Variants in UTRN observed in about 807,000 individuals in gnomAD.
UTRN encodes utrophin.
A neutral mutation model predicts 463.9 loss-of-function variants in UTRN; 283 were observed. That is an observed-to-expected ratio of 0.61 (90% CI 0.55 to 0.67). UTRN has a LOEUF of 0.67. Among genes scored for constraint, UTRN ranks in the 30% least tolerant of loss-of-function variants. The pLI is 0.00. For synonymous variants in UTRN, 1,442 were observed against 1,431.5 expected, an observed-to-expected ratio of 1.01 and a Z score of -0.17; for missense variants, 3,922 against 4,084.3, an observed-to-expected ratio of 0.96 and a Z score of 1.08.
intron 2 of UTRN, among the ~76,000 whole-genome samples, chr6:144,388,175 T>G (rs756507808): frequency 5.3e-5 from 8 of 152,264 alleles, no homozygotes; most frequent in Non-Finnish European, 1.0e-4. Context: ...CTTGGCTTTC[T>G]GTCATACGTA....
chr6:144,449,074 T>C (rs1439045861), intron 17 of UTRN, among the ~76,000 whole-genome samples: 1 of 152,158 alleles, frequency 6.6e-6, no homozygotes, highest in Non-Finnish European at 1.5e-5. Flanking sequence ...TGATTGTCCA[T>C]GACTGTCTTT....
At chr6:144,550,840 C>A in intron 47 of UTRN, 125 bp from the exon 48 acceptor site, 1 of 662,676 alleles carries the variant, frequency 1.5e-6, no homozygotes, top group Non-Finnish European at 2.3e-6. Flanking sequence ...TGCCACGTTG[C>A]TGATGCTTCA....
At chr6:144,545,322 C>T (rs776251573) in intron 46 of UTRN, among the ~76,000 whole-genome samples, 9 of 152,280 alleles carry the variant, frequency 5.9e-5, no homozygotes, top group South Asian at 2.1e-4. Context: ...TTGATTGTGT[C>T]GTTTCTTTGT....
At chr6:144,307,976 C>A (rs953904485) in intron 2 of UTRN, among the ~76,000 whole-genome samples, 2 of 152,008 alleles carry the variant, frequency 1.3e-5, no homozygotes, top group Admixed American at 1.3e-4. Context: ...TTCTCCCAGC[C>A]CTCTCCTACT....
chr6:144,534,086 T>C (rs924542555), intron 43 of UTRN, among the ~76,000 whole-genome samples: 5 of 152,226 alleles, frequency 3.3e-5, no homozygotes, highest in Non-Finnish European at 7.3e-5. Flanking sequence ...TCTAATACTT[T>C]ATCAGGTCCA....
intron 2 of UTRN, among the ~76,000 whole-genome samples, chr6:144,371,844 G>A (rs560572893): frequency 1.8e-4 from 28 of 152,310 alleles, no homozygotes; most frequent in Admixed American, 5.9e-4. Flanking sequence ...TAGGGCTGGG[G>A]AGGCATACAT....
chr6:144,349,090 G>A (rs1284984935), intron 2 of UTRN, among the ~76,000 whole-genome samples: 2 of 151,960 alleles, frequency 1.3e-5, no homozygotes, highest in African/African-American at 4.8e-5. Flanking sequence ...CTCACTGCAA[G>A]CTCCTCCTCC....
intron 28 of UTRN, among the ~76,000 whole-genome samples, chr6:144,487,228 G>C (rs1169508970): frequency 2.6e-5 from 4 of 152,020 alleles, no homozygotes; most frequent in African/African-American, 4.8e-5. Flanking sequence ...GAGTCCAGTG[G>C]TATGACAGCT....
At chr6:144,690,819 G>C (rs1051550589) in intron 52 of UTRN, among the ~76,000 whole-genome samples, 1 of 152,194 alleles carries the variant, frequency 6.6e-6, no homozygotes, top group African/African-American at 2.4e-5. Flanking sequence ...TTCCCCGGTG[G>C]GTGTGTATGT....
intron 41 of UTRN, among the ~76,000 whole-genome samples, chr6:144,528,034 T>A (rs1796714752): frequency 8.7e-6 from 1 of 115,562 alleles, no homozygotes; most frequent in Non-Finnish European, 1.7e-5. Context: ...CTAGTGTGAT[T>A]TTTTTTTTTT....
chr6:144,500,909 G>A (rs1794112642), intron 34 of UTRN, among the ~76,000 whole-genome samples: 1 of 152,178 alleles, frequency 6.6e-6, no homozygotes, highest in South Asian at 2.1e-4. Flanking sequence ...CTAGTGGGAA[G>A]TGCTGAATAT....
intron 2 of UTRN, among the ~76,000 whole-genome samples, chr6:144,392,305 C>T (rs773244048): frequency 6.6e-6 from 1 of 152,084 alleles, no homozygotes; most frequent in African/African-American, 2.4e-5. Context: ...AGGATTTAGT[C>T]TTATAATCAG....
At chr6:144,469,511 G>A (rs1001972490) in intron 23 of UTRN, among the ~76,000 whole-genome samples, 2 of 152,176 alleles carry the variant, frequency 1.3e-5, no homozygotes, top group Non-Finnish European at 2.9e-5. Context: ...CAGGTGCTGA[G>A]CTTGGTAGTC....
intron 2 of UTRN, chr6:144,344,325 G>A (rs1489680152): frequency 3.1e-6 from 4 of 1,303,890 alleles, no homozygotes; most frequent in African/African-American, 1.5e-5. Flanking sequence ...CAACTTGCAC[G>A]ACTCCCAGCC....
At chr6:144,519,153 T>C (rs190217768) in intron 39 of UTRN, among the ~76,000 whole-genome samples, 55 of 152,310 alleles carry the variant, frequency 3.6e-4, no homozygotes, top group Non-Finnish European at 2.8e-4. Context: ...ATGAGCACTT[T>C]ATAAAGATAT....
chr6:144,555,504 C>T (rs1799298761), intron 49 of UTRN, among the ~76,000 whole-genome samples: 1 of 152,218 alleles, frequency 6.6e-6, no homozygotes. Context: ...ACTATCTCAG[C>T]TCATTGCAAC....
chr6:144,823,110 G>A (rs185907436), intron 66 of UTRN, among the ~76,000 whole-genome samples: 10 of 152,146 alleles, frequency 6.6e-5, no homozygotes, highest in African/African-American at 1.4e-4. Context: ...TGATTTTGGG[G>A]TGTAATTCTG....
At chr6:144,442,150 C>T (rs1787243943) in intron 13 of UTRN, among the ~76,000 whole-genome samples, 2 of 152,210 alleles carry the variant, frequency 1.3e-5, no homozygotes, top group African/African-American at 4.8e-5. Context: ...CTGCAGCCAG[C>T]TTGAATTTCT....
In UTRN at chr6:144,403,199, C is replaced by A. The variant is rs772452141; in HGVS notation, c.141+15C>A. 5.6e-6 allele frequency: 9 copies of A among 1,610,256 alleles called. No homozygotes were observed. The African/African-American group carries it at 1.1e-4, about 19-fold the overall frequency. ...GATTTTCAAAGGTAACTGAGACTTT[C>A]AAAAACTTCGATGGTTCAGATGCCG... On this transcript the variant is annotated intron_variant, in intron 3 of 74. Coordinates refer to ENST00000367545, the MANE Select transcript of UTRN (RefSeq NM_007124.3).
Sources: allele counts gnomAD v4.1 joint callset (sites outside exome capture counted in the v4.1 genomes callset), GRCh38; gene constraint gnomAD v4.1.1; transcripts MANE v1.5; gene names NCBI Gene and HGNC (gene_info 2026-07-23, HGNC 2026-07-21).